Variants in FRMD4B observed in about 807,000 individuals in gnomAD.
FRMD4B encodes FERM domain-containing protein 4B.
Under a neutral mutation model 141.5 loss-of-function variants are expected in FRMD4B, and 74 were observed. That is an observed-to-expected ratio of 0.52 (90% CI 0.43 to 0.63). The LOEUF is 0.63. Ranked by LOEUF, FRMD4B falls within the 30% of genes least tolerant of loss-of-function variation. The pLI is 0.00. For missense variants in FRMD4B, 1,366 were observed against 1,253.4 expected, an observed-to-expected ratio of 1.09 and a Z score of -1.36; for synonymous variants, 506 against 467.9, an observed-to-expected ratio of 1.08 and a Z score of -1.05.
At chr3:69,499,630 G>C (rs542573352) in intron 1 of FRMD4B, among the ~76,000 whole-genome samples, 9 of 152,210 alleles carry the variant, frequency 5.9e-5, no homozygotes, top group Admixed American at 5.9e-4. Context: ...TGTGTGTTCT[G>C]GTGAGGAATT....
intron 1 of FRMD4B, among the ~76,000 whole-genome samples, chr3:69,455,492 T>G (rs926261393): frequency 6.6e-6 from 1 of 152,116 alleles, no homozygotes; most frequent in Non-Finnish European, 1.5e-5. Context: ...AGGCTCACCG[T>G]GAAGGTCTGC....
intron 11 of FRMD4B, among the ~76,000 whole-genome samples, chr3:69,216,040 G>C (rs934213773): frequency 2.6e-5 from 4 of 152,104 alleles, no homozygotes; most frequent in African/African-American, 9.7e-5. Flanking sequence ...TGTAATCCCA[G>C]CTACTTGGGA....
intron 5 of FRMD4B, among the ~76,000 whole-genome samples, chr3:69,258,731 A>G (rs868582762): frequency 2.6e-5 from 4 of 152,120 alleles, no homozygotes; most frequent in Non-Finnish European, 5.9e-5. Flanking sequence ...CTAGGTACAA[A>G]TTATGTCCTT....
At chr3:69,343,440 C>T (rs1207792412) in intron 1 of FRMD4B, among the ~76,000 whole-genome samples, 1 of 152,124 alleles carries the variant, frequency 6.6e-6, no homozygotes, top group African/African-American at 2.4e-5. Flanking sequence ...CTCCTGAATG[C>T]TTTAGGGTCA....
At chr3:69,245,664 C>CTTTTTTT (rs71115668) in intron 7 of FRMD4B, among the ~76,000 whole-genome samples, 1 of 102,476 alleles carries the variant, frequency 9.8e-6, no homozygotes, top group African/African-American at 3.5e-5. Context: ...ATTTTCTTTT[C>CTTTTTTT]TTTTTTTTTT....
chr3:69,538,631 T>C (rs892011871), intron 1 of FRMD4B, among the ~76,000 whole-genome samples: 6 of 152,236 alleles, frequency 3.9e-5, no homozygotes, highest in Non-Finnish European at 7.3e-5. Context: ...CTTATGAGAT[T>C]AGTTTAAAAA....
At chr3:69,365,096 A>G (rs1170064956) in intron 1 of FRMD4B, among the ~76,000 whole-genome samples, 1 of 152,346 alleles carries the variant, frequency 6.6e-6, no homozygotes, top group East Asian at 1.9e-4. Context: ...CTGTGTGAAC[A>G]TCTATCTTTA....
At chr3:69,416,131 C>T (rs1704854644) in intron 2 of FRMD4B, among the ~76,000 whole-genome samples, 1 of 152,216 alleles carries the variant, frequency 6.6e-6, no homozygotes, top group Admixed American at 6.5e-5. Flanking sequence ...ATAACAGGTA[C>T]TGTTTTGCAC....
intron 1 of FRMD4B, among the ~76,000 whole-genome samples, chr3:69,534,971 C>T (rs1034844137): frequency 7.0e-6 from 1 of 142,642 alleles, no homozygotes; most frequent in African/African-American, 2.6e-5. Context: ...CCACAAAGCA[C>T]AAATAATAAT....
chr3:69,383,656 C>A (rs2128971), intron 1 of FRMD4B, among the ~76,000 whole-genome samples: 66,669 of 151,650 alleles, frequency 0.44, 16,070 homozygotes, highest in East Asian at 0.61. Flanking sequence ...AACTCCTGGG[C>A]TCAAGTGATC....
intron 4 of FRMD4B, among the ~76,000 whole-genome samples, chr3:69,288,279 C>T (rs995073854): frequency 2.0e-5 from 3 of 152,226 alleles, no homozygotes; most frequent in Admixed American, 1.3e-4. Context: ...GGTTTTTAGA[C>T]GGAGGGGCCT....
At chr3:69,297,717 CAT>C (rs1351035427) in intron 4 of FRMD4B, among the ~76,000 whole-genome samples, 2 of 152,108 alleles carry the variant, frequency 1.3e-5, no homozygotes, top group Non-Finnish European at 2.9e-5. Context: ...CCAAGAGGCT[CAT>C]ATGTTTGTGG....
At chr3:69,371,599 C>G (rs1703825834) in intron 1 of FRMD4B, among the ~76,000 whole-genome samples, 1 of 152,064 alleles carries the variant, frequency 6.6e-6, no homozygotes, top group Non-Finnish European at 1.5e-5. Context: ...AACAAACCAG[C>G]TAAGAAATGA....
At chr3:69,225,092 A>G (rs2093237604) in intron 7 of FRMD4B, among the ~76,000 whole-genome samples, 1 of 152,004 alleles carries the variant, frequency 6.6e-6, no homozygotes, top group East Asian at 1.9e-4. Context: ...AACATCAACA[A>G]TTTTTCGTAA....
At chr3:69,194,054 A>G (rs1158829471) in intron 16 of FRMD4B, among the ~76,000 whole-genome samples, 181 bp from the exon 17 acceptor site, 3 of 152,226 alleles carry the variant, frequency 2.0e-5, no homozygotes, top group African/African-American at 7.2e-5. Context: ...TCTTAACTTC[A>G]ACTTCTCATT....
chr3:69,384,151 T>C (rs569179093), intron 1 of FRMD4B, among the ~76,000 whole-genome samples: 6 of 152,262 alleles, frequency 3.9e-5, no homozygotes, highest in Admixed American at 2.0e-4. Context: ...ATTGGCTCAG[T>C]CACCATCCAT....
chr3:69,225,519 CAAAAAAAAAAAAAA>C (rs35855787), intron 7 of FRMD4B, among the ~76,000 whole-genome samples: 1,180 of 50,606 alleles, frequency 0.023, 12 homozygotes, highest in Middle Eastern at 0.22. Context: ...ACTAAAAATA[CAAAAAAAAAAAAAA>C]AAAAAAAAAA....
chr3:69,264,095 C>G (rs535856902), intron 5 of FRMD4B, among the ~76,000 whole-genome samples: 1 of 152,024 alleles, frequency 6.6e-6, no homozygotes, highest in Non-Finnish European at 1.5e-5. Context: ...AGTGTCAACC[C>G]CATTCTTAAT....
chr3:69,437,604 GTATAT>G (rs1168699022), intron 1 of FRMD4B, among the ~76,000 whole-genome samples: 3 of 135,340 alleles, frequency 2.2e-5, no homozygotes, highest in Non-Finnish European at 4.6e-5. Context: ...ATATTTAATA[GTATAT>G]TATATATACT....
Sources: allele counts gnomAD v4.1 joint callset (sites outside exome capture counted in the v4.1 genomes callset), GRCh38; gene constraint gnomAD v4.1.1; transcripts MANE v1.5; gene names NCBI Gene and HGNC (gene_info 2026-07-23, HGNC 2026-07-21).